The following TSPAN11 variants were observed in gnomAD, a reference collection of about 807,000 sequenced individuals.
TSPAN11 encodes tetraspanin-11.
Under a neutral mutation model 32.9 loss-of-function variants are expected in TSPAN11, and 29 were observed. That is an observed-to-expected ratio of 0.88 (90% CI 0.66 to 1.20). The LOEUF (loss-of-function observed/expected upper bound fraction) is 1.20, where lower values mean the gene tolerates loss of function less well. TSPAN11 is among the 50% of genes most tolerant of loss of function. The probability of loss-of-function intolerance (pLI) is 0.00; values close to 1 mark genes in which losing one functional copy is unlikely to be tolerated. For missense variants in TSPAN11, 283 were observed against 329.1 expected (o/e 0.86, Z 1.08); for synonymous variants, 140 against 141.3 (o/e 0.99, Z 0.07).
Position 30,964,061 on chromosome 12 carries a change from C to G in TSPAN11, c.276+44C>G, listed in dbSNP as rs746258163. The G allele has an allele frequency of 3.8e-6, 6 of 1,577,404 alleles. No homozygotes were observed. The Admixed American group carries it at 1.0e-4, about 27-fold the overall frequency. ...CTCTGCAGGGATGGGGAGCCCTGCACCACCCAGTCAGGTTTCCAGCAAGTG... is the reference window on the plus strand; with the variant it reads ...CTCTGCAGGGATGGGGAGCCCTGCAGCACCCAGTCAGGTTTCCAGCAAGTG... On this transcript the variant is annotated intron_variant, in intron 3 of 7. Coordinates refer to ENST00000546076, the MANE Select transcript of TSPAN11 (RefSeq NM_001370302.1).
the TSPAN11 span, among the ~76,000 whole-genome samples, chr12:31,013,263 G>A: frequency 2.0e-5 from 3 of 152,220 alleles, no homozygotes. Context: ...TTAGCAGAAT[G>A]TGTGCCTCTC....
At chr12:31,003,461 G>A in the TSPAN11 span, among the ~76,000 whole-genome samples, 1 of 152,214 alleles carries the variant, frequency 6.6e-6, no homozygotes, top group Non-Finnish European at 1.5e-5. Context: ...GGCTGGGGGA[G>A]CAGACACTGC....
chr12:30,955,018 G>A (rs1049332954), intron 2 of TSPAN11: 3 of 152,220 alleles, frequency 2.0e-5, no homozygotes, highest in African/African-American at 7.2e-5. Context: ...AAAGGCAAAT[G>A]CAGAAGTGGG....
intron 1 of TSPAN11, among the ~76,000 whole-genome samples, chr12:30,930,771 G>C (rs536937546): frequency 6.6e-6 from 1 of 152,230 alleles, no homozygotes; most frequent in Non-Finnish European, 1.5e-5. Context: ...CCCTGTAGTA[G>C]TCAGGGGGTC....
intron 2 of TSPAN11, among the ~76,000 whole-genome samples, chr12:30,958,915 C>A (rs78335537): frequency 0.013 from 2,013 of 152,162 alleles, 42 homozygotes; most frequent in African/African-American, 0.046. Flanking sequence ...CTTAAGATAC[C>A]GAGGGCGCAA....
chr12:30,960,260 G>C (rs1413745968), intron 2 of TSPAN11, among the ~76,000 whole-genome samples: 2 of 151,860 alleles, frequency 1.3e-5, no homozygotes, highest in Non-Finnish European at 2.9e-5. Flanking sequence ...TGTGGGGCTT[G>C]GCATGTAGCA....
chr12:30,963,102 GA>G lies in TSPAN11; in HGVS notation c.85-722del, dbSNP rs34869523. On this transcript the variant is annotated intron_variant, in intron 2 of 7. Coordinates refer to ENST00000546076, the MANE Select transcript of TSPAN11 (RefSeq NM_001370302.1). ...CTCCCCTCTTCTCAGGACCAAAGGG[GA>G]ATCAGACAATTAGCAAAAAAGTTTC... is the stretch of plus-strand genomic sequence containing the variant. 0.032 allele frequency among the ~76,000 whole-genome samples: 4,850 copies of G among 152,246 alleles called. 434 individuals are homozygous for G. In the East Asian group the frequency reaches 0.33, roughly 10 times the overall value.
the TSPAN11 span, among the ~76,000 whole-genome samples, chr12:31,011,126 G>A: frequency 6.6e-6 from 1 of 152,168 alleles, no homozygotes; most frequent in Non-Finnish European, 1.5e-5. Flanking sequence ...GTGCATTGTG[G>A]CTCATGCCTG....
intron 1 of TSPAN11, among the ~76,000 whole-genome samples, chr12:30,933,840 G>A (rs1426093679): frequency 6.6e-6 from 1 of 152,170 alleles, no homozygotes; most frequent in African/African-American, 2.4e-5. Flanking sequence ...TTCAGATTGA[G>A]TTGGGATCAT....
At chr12:30,962,853 A>G (rs1239875671) in intron 2 of TSPAN11, among the ~76,000 whole-genome samples, 1 of 152,178 alleles carries the variant, frequency 6.6e-6, no homozygotes. Flanking sequence ...CTGTCCCCAA[A>G]TCCTGGGCAA....
chr12:31,016,088 G>A, the TSPAN11 span, among the ~76,000 whole-genome samples: 1 of 152,298 alleles, frequency 6.6e-6, no homozygotes. Context: ...ACCAGCCTGG[G>A]CAACATAACG....
At chr12:30,964,156 T>C (rs2140293264) in intron 3 of TSPAN11, 139 bp downstream of exon 3, 3 of 1,122,980 alleles carry the variant, frequency 2.7e-6, no homozygotes, top group Middle Eastern at 3.0e-4. Flanking sequence ...TGGCTGCTCC[T>C]GGGTCTGGGG....
Position 30,985,145 on chromosome 12 carries a change from C to T in TSPAN11, c.702+1995C>T, listed in dbSNP as rs145995911. Among the ~76,000 whole-genome samples, 385 of 152,124 alleles carry T rather than the reference C, an allele frequency of 2.5e-3. 2 individuals are homozygous for T. The highest frequency in any genetic ancestry group is 8.1e-3 in the African/African-American group (337 of 41,510). ...CTAACACACTGGGAGGAGGGTCCGT[C>T]GCCTCTGGAGGGACCCCCATCTTGG... On this transcript the variant is annotated intron_variant, in intron 7 of 7. Transcript: ENST00000546076.
At chr12:30,965,213 T>C (rs1299429600) in intron 3 of TSPAN11, among the ~76,000 whole-genome samples, 1 of 152,074 alleles carries the variant, frequency 6.6e-6, no homozygotes, top group East Asian at 1.9e-4. Context: ...AAAGAACCCC[T>C]CTCCTCTGCA....
intron 1 of TSPAN11, among the ~76,000 whole-genome samples, chr12:30,933,735 G>A (rs1937983378): frequency 6.6e-6 from 1 of 152,142 alleles, no homozygotes; most frequent in Non-Finnish European, 1.5e-5. Context: ...GGCTGCTCTG[G>A]GGACCCTGTC....
rs1158658942 is a variant in TSPAN11 at position 30,995,866 on chromosome 12, C to T, written c.*3951C>T. ...AATCATTTGCATTTCTGACAAGTTC[C>T]CAGGAGCTGCAGCTGCTGGCCCTGG... On this transcript the variant is annotated 3_prime_UTR_variant, in exon 8 of 8. Coordinates refer to ENST00000546076, the MANE Select transcript of TSPAN11 (RefSeq NM_001370302.1). 6.6e-6 allele frequency: 1 copy of T among 152,176 alleles called. No homozygotes were observed. The highest frequency in any genetic ancestry group is 2.4e-5 in the African/African-American group (1 of 41,414). The allele number at this position is 152,176 out of a possible 1,614,324, so 9.4% of individuals were successfully genotyped here.
intron 1 of TSPAN11, among the ~76,000 whole-genome samples, chr12:30,952,351 C>T (rs1285750450): frequency 2.6e-5 from 4 of 152,172 alleles, no homozygotes; most frequent in African/African-American, 7.2e-5. Flanking sequence ...CATTAGATCC[C>T]CTGGCCGACC....
chr12:30,952,507 G>A (rs1247336057), intron 1 of TSPAN11, among the ~76,000 whole-genome samples: 1 of 152,124 alleles, frequency 6.6e-6, no homozygotes, highest in Non-Finnish European at 1.5e-5. Flanking sequence ...CTTCTTCAAC[G>A]TCTGCAAATA....
At chr12:31,014,907 T>G in the TSPAN11 span, among the ~76,000 whole-genome samples, 3 of 152,238 alleles carry the variant, frequency 2.0e-5, no homozygotes, top group African/African-American at 7.2e-5. Context: ...CAATCACTTC[T>G]TGTTTAGTGG....
Sources: gnomAD v4.1 joint callset for allele counts (sites outside exome capture counted in the v4.1 genomes callset) on GRCh38, gnomAD v4.1.1 for gene constraint, MANE v1.5 for transcripts, NCBI Gene and HGNC (gene_info 2026-07-23, HGNC 2026-07-21) for gene names.